DSG2: variants seen among roughly 807,000 people sequenced by gnomAD.
DSG2 encodes the protein desmoglein-2.
Under a neutral mutation model 75.6 loss-of-function variants are expected in DSG2, and 45 were observed. The ratio of observed to expected loss-of-function variants is 0.60; its 90% CI spans 0.47 to 0.76. The LOEUF is 0.76. DSG2 is among the 30% of genes least tolerant of loss of function. DSG2 has a pLI of 0.00. For synonymous variants in DSG2, 429 were observed against 483.9 expected (o/e 0.89, Z 1.49); for missense variants, 1,267 against 1,357.4 (o/e 0.93, Z 1.05).
At chr18:31,524,407 G>T in intron 6 of DSG2, 41 bp from the exon 7 acceptor site, 2 of 1,613,882 alleles carry the variant, frequency 1.2e-6, no homozygotes, top group South Asian at 2.2e-5. Flanking sequence ...ATGTAAGAGT[G>T]ACTCTTTTCA....
rs772744115 is a variant in DSG2 at position 31,520,855 on chromosome 18, C to T, written c.269C>T (p.Thr90Ile). Residue 90 changes from threonine to isoleucine, a missense_variant, in exon 4 of 15, where the codon ACT becomes ATT. By Grantham distance (89) the Thr-to-Ile change is moderately conservative. Coordinates refer to ENST00000261590, the MANE Select transcript of DSG2 (RefSeq NM_001943.5). ...ERGLKITYKY[T>I]GKGITEPPFG... is the part of the protein sequence containing the mutation. Reference sequence around the variant, plus strand: ...GGACTCAAAATTACTTACAAATACACTGGAAAAGGGATTACAGAGCCACCT... The same window carrying T: ...GGACTCAAAATTACTTACAAATACATTGGAAAAGGGATTACAGAGCCACCT... 88 of 1,613,766 alleles carry T rather than the reference C, an allele frequency of 5.5e-5. No individual in the cohort carries two copies. In the Middle Eastern group the frequency reaches 1.5e-3, roughly 27 times the overall value.
chr18:31,513,356 G>A (rs2073077020), intron 1 of DSG2, among the ~76,000 whole-genome samples: 2 of 152,158 alleles, frequency 1.3e-5, no homozygotes, highest in Non-Finnish European at 2.9e-5. Context: ...TAAATAGGAA[G>A]GTTATGCATG....
At chr18:31,534,035 GGCTGGAGTGCAGTGGCACGA>G (rs967528995) in intron 9 of DSG2, among the ~76,000 whole-genome samples, 1 of 142,006 alleles carries the variant, frequency 7.0e-6, no homozygotes, top group African/African-American at 2.7e-5. Flanking sequence ...CTGTCACTCA[GGCTGGAGTGCAGTGGCACGA>G]TCTCGGCTTA....
At chr18:31,536,150 G>C in intron 10 of DSG2, 52 bp from the exon 11 acceptor site, 2 of 1,565,586 alleles carry the variant, frequency 1.3e-6, no homozygotes, top group South Asian at 1.1e-5. Flanking sequence ...AACTATGTCT[G>C]TTGTCAGCAA....
At chr18:31,512,902 A>G (rs1253029458) in intron 1 of DSG2, among the ~76,000 whole-genome samples, 2 of 152,232 alleles carry the variant, frequency 1.3e-5, no homozygotes, top group African/African-American at 4.8e-5. Flanking sequence ...GTTACTTAAC[A>G]TATCCTACAA....
chr18:31,531,173 A>G lies in DSG2; in HGVS notation c.1201A>G (p.Met401Val). The G allele has an allele frequency of 1.9e-6, 3 of 1,614,204 alleles. No individual in the cohort carries two copies. Among genetic ancestry groups the G allele is most frequent in the Non-Finnish European group, 1.7e-6 (2 of 1,180,026 alleles). The change falls in exon 9 of 15, where the codon ATG becomes GTG. Residue 401 changes from methionine to valine, a missense_variant. Met to Val is a conservative substitution (Grantham distance 21). Transcript: ENST00000261590. ...CATCTCAATTTATGTTAGCGAGAGC[A>G]TGGATAGATCAAGCAAAGGCCAAAT... is the stretch of plus-strand genomic sequence containing the variant. ...SVISIYVSES[M>V]DRSSKGQIIG...
intron 1 of DSG2, 138 bp from the exon 2 acceptor site, chr18:31,518,101 C>A (rs1040002069): frequency 2.9e-6 from 2 of 680,496 alleles, no homozygotes; most frequent in South Asian, 3.9e-5. Flanking sequence ...AATTAGTTTC[C>A]TCTTGACAAA....
chr18:31,524,384 A>G (rs1426631554), intron 6 of DSG2, 64 bp from the exon 7 acceptor site: 1 of 1,611,380 alleles, frequency 6.2e-7, no homozygotes, highest in African/African-American at 1.3e-5. Context: ...CTGGACTAAA[A>G]CCAGAAAGCC....
intron 8 of DSG2, among the ~76,000 whole-genome samples, chr18:31,529,830 C>A (rs1423143614): frequency 1.3e-5 from 2 of 152,024 alleles, no homozygotes; most frequent in African/African-American, 2.4e-5. Flanking sequence ...TTAGGTAGTT[C>A]TTTTAGTAAT....
chr18:31,534,053 C>T (rs2073214016), intron 9 of DSG2, among the ~76,000 whole-genome samples: 1 of 147,786 alleles, frequency 6.8e-6, no homozygotes, highest in Non-Finnish European at 1.5e-5. Context: ...TGCAGTGGCA[C>T]GATCTCGGCT....
intron 9 of DSG2, among the ~76,000 whole-genome samples, chr18:31,532,248 T>C (rs1238950149): frequency 1.3e-5 from 2 of 152,216 alleles, no homozygotes; most frequent in East Asian, 3.8e-4. Context: ...GCTTCCAAGA[T>C]GGCACCATCT....
intron 9 of DSG2, among the ~76,000 whole-genome samples, chr18:31,534,508 A>ATT (rs80270967): frequency 0.2 from 22,650 of 112,152 alleles, 4,205 homozygotes; most frequent in African/African-American, 0.47. Flanking sequence ...ATGATCATTG[A>ATT]TTTTTTTTTT....
chr18:31,545,427 A>G (rs1304316669), intron 14 of DSG2, among the ~76,000 whole-genome samples: 3 of 152,116 alleles, frequency 2.0e-5, no homozygotes, highest in Non-Finnish European at 4.4e-5. Context: ...TTTTACAGCA[A>G]TTTTGTTTTT....
chr18:31,521,252 C>CTTT lies in DSG2; in HGVS notation c.523+22_523+24dup. The stretch of plus-strand genomic sequence containing the variant: ...AGAGTTGAGTGCAGCACGTAAGAGT[C>CTTT]TTTTTTTTTTTTTTTAATAAATAAA... On this transcript the variant is annotated intron_variant, in intron 5 of 14. Coordinates refer to ENST00000261590, the MANE Select transcript of DSG2 (RefSeq NM_001943.5). 7.2e-6 allele frequency: 10 copies of CTTT among 1,389,276 alleles called. No individual in the cohort carries two copies. The highest frequency in any genetic ancestry group is 6.2e-5 in the Admixed American group (3 of 48,250). The allele number at this position is 1,389,276 out of a possible 1,614,324, so 86.1% of individuals were successfully genotyped here.
chr18:31,524,950 A>G, intron 8 of DSG2, 62 bp downstream of exon 8: 1 of 1,504,914 alleles, frequency 6.6e-7, no homozygotes, highest in Non-Finnish European at 9.2e-7. Context: ...AATCTAATAT[A>G]TTTTGAGCCC....
At chr18:31,540,077 G>A (rs1028375221) in intron 12 of DSG2, among the ~76,000 whole-genome samples, 1 of 151,972 alleles carries the variant, frequency 6.6e-6, no homozygotes, top group African/African-American at 2.4e-5. Flanking sequence ...CTACATTATG[G>A]TGAGTTGTAT....
chr18:31,507,198 T>G (rs139759817), intron 1 of DSG2, among the ~76,000 whole-genome samples: 6,252 of 152,252 alleles, frequency 0.041, 290 homozygotes, highest in South Asian at 0.12. Context: ...TGTTCTTGTG[T>G]TAGTTTGCTG....
chr18:31,512,271 C>G (rs2073071439), intron 1 of DSG2, among the ~76,000 whole-genome samples: 1 of 152,178 alleles, frequency 6.6e-6, no homozygotes, highest in African/African-American at 2.4e-5. Context: ...TTCACTCACC[C>G]AGGTGTTCCG....
Position 31,542,410 on chromosome 18 carries a change from T to C in DSG2, c.2002-110T>C, listed in dbSNP as rs2073273942. 2.4e-5 allele frequency: 28 copies of C among 1,143,480 alleles called. No homozygotes were observed. In the South Asian group the frequency reaches 3.4e-4, roughly 14 times the overall value. The allele number at this position is 1,143,480 out of a possible 1,614,324, so 70.8% of individuals were successfully genotyped here. ...AAATACTTTTTCTAACTGGCCTCAGTGGAAATAGCTTATACCTTCCTATGC... is the reference window on the plus strand; with the variant it reads ...AAATACTTTTTCTAACTGGCCTCAGCGGAAATAGCTTATACCTTCCTATGC... On this transcript the variant is annotated intron_variant, in intron 13 of 14. Transcript: ENST00000261590.
Sources: allele counts gnomAD v4.1 joint callset (sites outside exome capture counted in the v4.1 genomes callset), GRCh38; gene constraint gnomAD v4.1.1; transcripts MANE v1.5; gene names NCBI Gene and HGNC (gene_info 2026-07-23, HGNC 2026-07-21).